The following FAM117B variants were observed in gnomAD, a reference collection of about 807,000 sequenced individuals.
FAM117B encodes the protein family with sequence similarity 117 member B, also known as protein FAM117B.
FAM117B carries 22 observed loss-of-function variants against 52.8 expected under a neutral mutation model. That is an observed-to-expected ratio of 0.42 (90% CI 0.30 to 0.59). FAM117B has a LOEUF of 0.59. Among genes scored for constraint, FAM117B ranks in the 20% least tolerant of loss-of-function variants. The probability of loss-of-function intolerance (pLI) is 0.22; values close to 1 mark genes in which losing one functional copy is unlikely to be tolerated. For missense variants in FAM117B, 678 were observed against 802.6 expected, an observed-to-expected ratio of 0.84 and a Z score of 1.88; for synonymous variants, 309 against 324.1, an observed-to-expected ratio of 0.95 and a Z score of 0.50.
Position 202,725,082 on chromosome 2 carries a change from G to A in FAM117B, c.846+73G>A, listed in dbSNP as rs551192831. The A allele has an allele frequency of 9.8e-6, 11 of 1,122,274 alleles. No individual in the cohort carries two copies. In the East Asian group the frequency reaches 2.5e-4, roughly 26 times the overall value. 69.5% of individuals were successfully genotyped at this position (1,122,274 alleles called of 1,614,324 possible). On this transcript the variant is annotated intron_variant, in intron 3 of 7. Transcript: ENST00000392238. ...TGTTGGCTATTTCCTTGATATTATG[G>A]GCAGCAAGGATTTGTCGTTTTCCAT...
intron 1 of FAM117B, among the ~76,000 whole-genome samples, chr2:202,670,569 G>A (rs1222785895): frequency 6.6e-6 from 1 of 151,784 alleles, no homozygotes; most frequent in Non-Finnish European, 1.5e-5. Context: ...ATAAGCCACC[G>A]CCCCCTGGCC....
chr2:202,691,669 G>A (rs1056527271), intron 1 of FAM117B, among the ~76,000 whole-genome samples: 5 of 149,392 alleles, frequency 3.3e-5, no homozygotes, highest in Non-Finnish European at 7.4e-5. Flanking sequence ...GTGTGTGTGT[G>A]TGTGTGTGTG....
intron 2 of FAM117B, among the ~76,000 whole-genome samples, chr2:202,713,466 A>C (rs1400209562): frequency 2.0e-5 from 3 of 151,832 alleles, no homozygotes; most frequent in Non-Finnish European, 4.4e-5. Flanking sequence ...TTCAAAACCC[A>C]CCTTTTTGTT....
At chr2:202,640,293 AAAATATATATATATATATATATATAT>A (rs1178368450) in intron 1 of FAM117B, among the ~76,000 whole-genome samples, 14 of 61,690 alleles carry the variant, frequency 2.3e-4, no homozygotes, top group Admixed American at 5.7e-4. Context: ...CCACCACCAC[AAAATATATATATATATATATATATAT>A]ATATATATAT....
chr2:202,682,529 G>A (rs1690477793), intron 1 of FAM117B, among the ~76,000 whole-genome samples: 1 of 152,208 alleles, frequency 6.6e-6, no homozygotes, highest in Admixed American at 6.5e-5. Flanking sequence ...TGGCTGGCTA[G>A]TTCCAGCGCC....
At chr2:202,735,153 T>A (rs1331666011) in intron 4 of FAM117B, among the ~76,000 whole-genome samples, 3 of 152,192 alleles carry the variant, frequency 2.0e-5, no homozygotes, top group Non-Finnish European at 4.4e-5. Context: ...TTTTCCTAGT[T>A]AAGGTTATTT....
At chr2:202,726,159 G>C (rs1691241338) in intron 3 of FAM117B, 91 bp from the exon 4 acceptor site, 1 of 796,154 alleles carries the variant, frequency 1.3e-6, no homozygotes, top group Non-Finnish European at 2.1e-6. Flanking sequence ...GACTTATTAA[G>C]GGTAAGTTTT....
At chr2:202,646,348 G>C (rs917212419) in intron 1 of FAM117B, among the ~76,000 whole-genome samples, 3 of 152,198 alleles carry the variant, frequency 2.0e-5, no homozygotes, top group Non-Finnish European at 2.9e-5. Context: ...TTAAAATGCT[G>C]ATTAAATGTT....
chr2:202,711,919 C>A (rs1261517520), intron 2 of FAM117B, among the ~76,000 whole-genome samples: 1 of 152,074 alleles, frequency 6.6e-6, no homozygotes, highest in East Asian at 1.9e-4. Context: ...TGTTTGTATG[C>A]CAATACCATG....
chr2:202,755,459 A>C, intron 4 of FAM117B, 79 bp from the exon 5 acceptor site: 1 of 1,526,574 alleles, frequency 6.6e-7, no homozygotes, highest in Non-Finnish European at 8.9e-7. Flanking sequence ...TGAGTTACTT[A>C]TGTCTGTTGG....
intron 4 of FAM117B, among the ~76,000 whole-genome samples, chr2:202,745,744 G>A (rs1042960097): frequency 6.6e-6 from 1 of 152,166 alleles, no homozygotes; most frequent in African/African-American, 2.4e-5. Flanking sequence ...TTAAAGTGAA[G>A]GGATGGAAAA....
intron 1 of FAM117B, among the ~76,000 whole-genome samples, chr2:202,692,428 T>C (rs1039968): frequency 0.23 from 34,514 of 152,050 alleles, 4,609 homozygotes; most frequent in Middle Eastern, 0.31. Context: ...TTTTAGACTT[T>C]ACAGGTCAAG....
At chr2:202,743,819 T>C (rs962651789) in intron 4 of FAM117B, among the ~76,000 whole-genome samples, 2 of 152,206 alleles carry the variant, frequency 1.3e-5, no homozygotes. Context: ...GACAGGTCTT[T>C]TGAAACAATC....
At chr2:202,740,499 G>C (rs1421642727) in intron 4 of FAM117B, among the ~76,000 whole-genome samples, 2 of 151,712 alleles carry the variant, frequency 1.3e-5, no homozygotes, top group Non-Finnish European at 2.9e-5. Flanking sequence ...ACTGTATATA[G>C]TGTATTTGTG....
chr2:202,742,494 A>T (rs1354015417), intron 4 of FAM117B, among the ~76,000 whole-genome samples: 2 of 152,210 alleles, frequency 1.3e-5, no homozygotes, highest in Non-Finnish European at 2.9e-5. Context: ...GCCATTTATA[A>T]AAAGAATGAG....
chr2:202,742,872 C>T (rs1691570839), intron 4 of FAM117B, among the ~76,000 whole-genome samples: 1 of 152,214 alleles, frequency 6.6e-6, no homozygotes, highest in African/African-American at 2.4e-5. Context: ...TGCCTGCCAC[C>T]AGCCCCCACA....
intron 2 of FAM117B, among the ~76,000 whole-genome samples, chr2:202,715,825 A>G (rs889414619): frequency 3.3e-5 from 5 of 152,256 alleles, no homozygotes; most frequent in African/African-American, 9.6e-5. Flanking sequence ...TCCGTCTGCA[A>G]TCCCGGCACC....
intron 6 of FAM117B, among the ~76,000 whole-genome samples, chr2:202,757,665 C>T (rs1559117226): frequency 6.6e-6 from 1 of 152,126 alleles, no homozygotes; most frequent in Non-Finnish European, 1.5e-5. Context: ...TCTTTTTTTG[C>T]ACTTGTTAAT....
chr2:202,719,201 G>T (rs568931300), intron 2 of FAM117B, among the ~76,000 whole-genome samples: 1 of 152,078 alleles, frequency 6.6e-6, no homozygotes, highest in Non-Finnish European at 1.5e-5. Flanking sequence ...TTTTTGCTAG[G>T]TATTTTTTCC....
Sources: gnomAD v4.1 joint callset for allele counts (sites outside exome capture counted in the v4.1 genomes callset) on GRCh38, gnomAD v4.1.1 for gene constraint, MANE v1.5 for transcripts, NCBI Gene and HGNC (gene_info 2026-07-23, HGNC 2026-07-21) for gene names.